TMEM132B: variants seen among roughly 807,000 people sequenced by gnomAD.
The protein encoded by TMEM132B is transmembrane protein 132B.
Under a neutral mutation model 90.8 loss-of-function variants are expected in TMEM132B, and 18 were observed. The ratio of observed to expected loss-of-function variants is 0.20; its 90% CI spans 0.14 to 0.29. The LOEUF is 0.29. Among genes scored for constraint, TMEM132B ranks in the 10% least tolerant of loss-of-function variants. The pLI is 1.00. For synonymous variants in TMEM132B, 504 were observed against 523.3 expected (o/e 0.96, Z 0.50); for missense variants, 1,096 against 1,326.8 (o/e 0.83, Z 2.70).
intron 2 of TMEM132B, among the ~76,000 whole-genome samples, chr12:125,402,012 T>C (rs1165595144): frequency 1.3e-5 from 2 of 152,236 alleles, no homozygotes; most frequent in Non-Finnish European, 2.9e-5. Flanking sequence ...TCTCATTTCA[T>C]GTTTGACATT....
chr12:125,237,751 G>A (rs897398536), intron 1 of TMEM132B, among the ~76,000 whole-genome samples: 21 of 152,178 alleles, frequency 1.4e-4, no homozygotes, highest in African/African-American at 4.6e-4. Flanking sequence ...GCCCGGCCAC[G>A]TTGGCGTACT....
At position 125,554,427 on chromosome 12, in the gene TMEM132B, TAAAAAAA is replaced by T. The variant is rs71447048; in HGVS notation, c.1294-29403_1294-29397del. 1.9e-3 allele frequency among the ~76,000 whole-genome samples: 133 copies of T among 69,508 alleles called. 1 individual carries two copies. The highest frequency in any genetic ancestry group is 3.1e-3 in the Non-Finnish European group (111 of 35,450). The allele number at this position is 69,508 out of a possible 152,430, so 45.6% of individuals were successfully genotyped here. A position where few individuals can be genotyped will look rare whatever the true frequency, so the allele number is the denominator to read the frequency against. ...GCGACAAAGTGAGACTCCATTTCAT[TAAAAAAA>T]AAAAAAAAAAAAAAAAAAAAGATTT... On this transcript the variant is annotated intron_variant, in intron 4 of 8. Coordinates refer to ENST00000682704, the MANE Select transcript of TMEM132B (RefSeq NM_001366854.1).
rs932070188 is a variant in TMEM132B at position 125,310,610 on chromosome 12, C to T, written c.68-38842C>T. Among the ~76,000 whole-genome samples the T allele has an allele frequency of 3.9e-4, 59 of 152,176 alleles. 1 individual carries two copies. The highest frequency in any genetic ancestry group is 2.9e-5 in the Non-Finnish European group (2 of 68,028). ...CCCAGGGAGGTAAGACTTCTCTACT[C>T]GGAAAGCTCCCAGCCACGGGTCCCC... On this transcript the variant is annotated intron_variant, in intron 1 of 8. Coordinates refer to ENST00000682704, the MANE Select transcript of TMEM132B (RefSeq NM_001366854.1).
At chr12:125,193,621 C>T (rs1225392234) in intron 1 of TMEM132B, among the ~76,000 whole-genome samples, 1 of 152,196 alleles carries the variant, frequency 6.6e-6, no homozygotes, top group East Asian at 1.9e-4. Flanking sequence ...AAAGAGCCAA[C>T]TGAGAGAAGG....
intron 5 of TMEM132B, among the ~76,000 whole-genome samples, chr12:125,607,693 A>G (rs1371097153): frequency 2.0e-5 from 3 of 152,308 alleles, no homozygotes; most frequent in Non-Finnish European, 1.5e-5. Context: ...CTATTACCAC[A>G]AACACTTTAA....
At chr12:125,503,656 T>A (rs7956534) in intron 3 of TMEM132B, among the ~76,000 whole-genome samples, 2 of 151,978 alleles carry the variant, frequency 1.3e-5, no homozygotes, top group Non-Finnish European at 2.9e-5. Flanking sequence ...TCACGTACAC[T>A]AGGCCTTCTC....
intron 3 of TMEM132B, among the ~76,000 whole-genome samples, chr12:125,503,451 A>G (rs1181551865): frequency 1.3e-4 from 20 of 152,194 alleles, no homozygotes; most frequent in African/African-American, 4.8e-5. Context: ...AGGGCCTGAC[A>G]TGGTGCTGAC....
At chr12:125,279,996 T>C (rs1287920245) in intron 1 of TMEM132B, among the ~76,000 whole-genome samples, 9 of 152,208 alleles carry the variant, frequency 5.9e-5, no homozygotes, top group Admixed American at 5.9e-4. Flanking sequence ...GAGGTAGGTA[T>C]TACTTTTATC....
chr12:125,328,782 T>G (rs1347205130), intron 1 of TMEM132B, among the ~76,000 whole-genome samples: 1 of 152,170 alleles, frequency 6.6e-6, no homozygotes, highest in African/African-American at 2.4e-5. Context: ...AGGTCCTGTT[T>G]TCTCTGGCTC....
intron 5 of TMEM132B, among the ~76,000 whole-genome samples, chr12:125,627,937 A>C (rs111593616): frequency 1.1e-3 from 165 of 152,302 alleles, no homozygotes; most frequent in African/African-American, 3.8e-3. Context: ...TGCCTAGCTT[A>C]TTCACTTAAG....
chr12:125,448,854 T>C (rs2136444098), intron 3 of TMEM132B, among the ~76,000 whole-genome samples: 1 of 152,330 alleles, frequency 6.6e-6, no homozygotes, highest in South Asian at 2.1e-4. Context: ...GTCTTCAATT[T>C]TAGCCATCCT....
intron 1 of TMEM132B, chr12:125,301,527 C>G (rs1034973532): frequency 6.6e-6 from 1 of 152,288 alleles, no homozygotes; most frequent in Non-Finnish European, 1.5e-5. Context: ...GGAGAAGATC[C>G]GAGTCGTGCC....
intron 3 of TMEM132B, among the ~76,000 whole-genome samples, chr12:125,427,741 TCTCTTAGAA>T (rs1004857716): frequency 6.6e-6 from 1 of 152,202 alleles, no homozygotes; most frequent in Non-Finnish European, 1.5e-5. Flanking sequence ...GGATAGAGTT[TCTCTTAGAA>T]CTCCAAGTGG....
intron 2 of TMEM132B, among the ~76,000 whole-genome samples, chr12:125,363,257 GT>G (rs1206390737): frequency 6.6e-6 from 1 of 152,162 alleles, no homozygotes; most frequent in Non-Finnish European, 1.5e-5. Context: ...GCCCCAGGAT[GT>G]TTCACCATCC....
At chr12:125,650,448 G>A (rs1886876738) in intron 6 of TMEM132B, among the ~76,000 whole-genome samples, 1 of 152,140 alleles carries the variant, frequency 6.6e-6, no homozygotes, top group South Asian at 2.1e-4. Context: ...TCTGGGTCAG[G>A]AAGGCAGGAG....
At chr12:125,418,371 C>T (rs1880080613) in intron 3 of TMEM132B, among the ~76,000 whole-genome samples, 1 of 152,130 alleles carries the variant, frequency 6.6e-6, no homozygotes, top group Non-Finnish European at 1.5e-5. Context: ...TGTCCTCTTT[C>T]TCCTTCTCTT....
At chr12:125,375,297 G>T (rs1221249940) in intron 2 of TMEM132B, among the ~76,000 whole-genome samples, 1 of 152,172 alleles carries the variant, frequency 6.6e-6, no homozygotes, top group Non-Finnish European at 1.5e-5. Flanking sequence ...TAAAGACTCA[G>T]GAGATGGAGG....
chr12:125,492,280 T>A lies in TMEM132B; in HGVS notation c.1107-27159T>A, dbSNP rs1882375823. On this transcript the variant is annotated intron_variant, in intron 3 of 8. Transcript: ENST00000682704. The surrounding 1 kb of genome is among the most constrained non-coding windows in gnomAD (Gnocchi z 5.8). ...GTGGCAGCTCAGCCTTCCTCGTCTG[T>A]CTCTTGAAGTGACTGCTGCTCACCA... 6.6e-6 allele frequency among the ~76,000 whole-genome samples: 1 copy of A among 152,222 alleles called. No homozygotes were observed. Among genetic ancestry groups the A allele is most frequent in the South Asian group, 2.1e-4 (1 of 4,834 alleles).
intron 6 of TMEM132B, among the ~76,000 whole-genome samples, chr12:125,646,111 T>G (rs183412866): frequency 6.6e-6 from 1 of 152,214 alleles, no homozygotes; most frequent in Admixed American, 6.5e-5. Flanking sequence ...ACGCTGCCAG[T>G]GAGGGTTCAG....
Sources: allele counts gnomAD v4.1 joint callset (sites outside exome capture counted in the v4.1 genomes callset), GRCh38; gene constraint gnomAD v4.1.1; non-coding constraint Gnocchi (gnomAD v3.1); transcripts MANE v1.5; gene names NCBI Gene and HGNC (gene_info 2026-07-23, HGNC 2026-07-21).